GRID1: variants seen among roughly 807,000 people sequenced by gnomAD.
The protein encoded by GRID1 is glutamate receptor ionotropic, delta-1.
A neutral mutation model predicts 98.0 loss-of-function variants in GRID1; 28 were observed. The ratio of observed to expected loss-of-function variants is 0.29; its 90% CI spans 0.21 to 0.39. The LOEUF (loss-of-function observed/expected upper bound fraction) is 0.39, where lower values mean the gene tolerates loss of function less well. GRID1 is among the 10% of genes least tolerant of loss of function. The probability of loss-of-function intolerance (pLI) is 1.00; values close to 1 mark genes in which losing one functional copy is unlikely to be tolerated. For synonymous variants in GRID1, 553 were observed against 538.5 expected (o/e 1.03, Z -0.37); for missense variants, 1,111 against 1,340.5 (o/e 0.83, Z 2.67).
intron 4 of GRID1, among the ~76,000 whole-genome samples, chr10:85,955,051 C>T (rs1691181819): frequency 2.0e-5 from 3 of 152,160 alleles, no homozygotes; most frequent in African/African-American, 7.2e-5. Context: ...TTGACTAAGA[C>T]TCTTCCCAAT....
chr10:86,194,751 C>T (rs1031147976), intron 3 of GRID1, among the ~76,000 whole-genome samples: 1 of 152,106 alleles, frequency 6.6e-6, no homozygotes, highest in African/African-American at 2.4e-5. Flanking sequence ...GCTGGAACCC[C>T]TCACATTGGG....
At chr10:86,083,659 A>C (rs1844009473) in intron 4 of GRID1, among the ~76,000 whole-genome samples, 1 of 152,202 alleles carries the variant, frequency 6.6e-6, no homozygotes, top group African/African-American at 2.4e-5. Flanking sequence ...TCTGTCATTA[A>C]ATCACAAGGA....
chr10:86,270,682 T>TCTATTG (rs1847172008), intron 2 of GRID1, among the ~76,000 whole-genome samples: 2 of 152,066 alleles, frequency 1.3e-5, no homozygotes, highest in Non-Finnish European at 2.9e-5. Context: ...AGAGCGAGAC[T>TCTATTG]CCGTCTCAAA....
At chr10:86,357,992 C>T (rs1848555370) in intron 2 of GRID1, among the ~76,000 whole-genome samples, 1 of 152,168 alleles carries the variant, frequency 6.6e-6, no homozygotes. Context: ...AAAAGAGGCC[C>T]TGGGTCCAAG....
chr10:85,778,847 C>A (rs1043013026), intron 8 of GRID1, among the ~76,000 whole-genome samples: 16 of 152,290 alleles, frequency 1.1e-4, no homozygotes, highest in Middle Eastern at 6.8e-3. Flanking sequence ...GTGAGCTATG[C>A]CTCCCTTCTG....
chr10:86,140,815 G>A (rs1845000337), intron 3 of GRID1, among the ~76,000 whole-genome samples: 1 of 152,224 alleles, frequency 6.6e-6, no homozygotes, highest in Admixed American at 6.5e-5. Context: ...GGACTCTGAA[G>A]AACCACACTT....
intron 3 of GRID1, among the ~76,000 whole-genome samples, chr10:86,162,279 G>A (rs1296782879): frequency 6.6e-6 from 1 of 152,048 alleles, no homozygotes; most frequent in Non-Finnish European, 1.5e-5. Context: ...AACTGACCCA[G>A]AAGCAAAGAC....
chr10:85,828,446 A>G (rs968835038), intron 8 of GRID1, among the ~76,000 whole-genome samples: 2 of 152,112 alleles, frequency 1.3e-5, no homozygotes, highest in East Asian at 1.9e-4. Context: ...CCAAAATCAG[A>G]GCTGCACTGA....
chr10:85,973,145 AG>A (rs1308631685), intron 4 of GRID1, among the ~76,000 whole-genome samples: 1 of 152,226 alleles, frequency 6.6e-6, no homozygotes, highest in African/African-American at 2.4e-5. Flanking sequence ...AGTGTTAACC[AG>A]GTTTGAATTT....
At chr10:85,718,381 C>A (rs1304451252) in intron 12 of GRID1, among the ~76,000 whole-genome samples, 1 of 151,522 alleles carries the variant, frequency 6.6e-6, no homozygotes, top group Non-Finnish European at 1.5e-5. Flanking sequence ...AGTCCACACC[C>A]CAGTAGGGAC....
intron 4 of GRID1, among the ~76,000 whole-genome samples, chr10:86,079,753 G>A (rs1843937959): frequency 6.6e-6 from 1 of 152,198 alleles, no homozygotes; most frequent in African/African-American, 2.4e-5. Context: ...GTTAATGGGT[G>A]CAAAGTGACC....
intron 12 of GRID1, among the ~76,000 whole-genome samples, chr10:85,699,843 G>A (rs997318609): frequency 1.3e-5 from 2 of 152,112 alleles, no homozygotes; most frequent in African/African-American, 2.4e-5. Context: ...TAATTTATCT[G>A]TTCAAAGTAT....
rs144578717 is a variant in GRID1, at chr10:86,015,750, A to G, written c.727-99511T>C. 7.7e-3 allele frequency among the ~76,000 whole-genome samples: 1,176 copies of G among 152,312 alleles called. 16 individuals are homozygous for G. Among genetic ancestry groups the G allele is most frequent in the African/African-American group, 0.027 (1,127 of 41,560 alleles). On this transcript the variant is annotated intron_variant, in intron 4 of 15. Coordinates refer to ENST00000327946, the MANE Select transcript of GRID1 (RefSeq NM_017551.3). ...CTGTGACCTGCCTAGTGTCTTAACA[A>G]TCCGTCATTTTAGCTGATTAAGTTA...
intron 8 of GRID1, among the ~76,000 whole-genome samples, chr10:85,788,056 A>C (rs199826622): frequency 1.7e-5 from 2 of 118,206 alleles, no homozygotes; most frequent in African/African-American, 1.1e-4. Flanking sequence ...AAACTTCACA[A>C]AAAAAAAAAG....
intron 5 of GRID1, among the ~76,000 whole-genome samples, chr10:85,878,580 T>C (rs1840943709): frequency 6.6e-6 from 1 of 152,142 alleles, no homozygotes; most frequent in Non-Finnish European, 1.5e-5. Flanking sequence ...TGAGAGATTT[T>C]GTCACCACCA....
At chr10:85,602,890 G>A (rs1590153647) in intron 15 of GRID1, among the ~76,000 whole-genome samples, 189 bp from the exon 16 acceptor site, 1 of 152,142 alleles carries the variant, frequency 6.6e-6, no homozygotes, top group East Asian at 1.9e-4. Flanking sequence ...AGAAGCCAGG[G>A]GGGAGACATG....
intron 2 of GRID1, among the ~76,000 whole-genome samples, chr10:86,269,783 G>C (rs1176623242): frequency 6.6e-6 from 1 of 152,126 alleles, no homozygotes; most frequent in Non-Finnish European, 1.5e-5. Flanking sequence ...GCTTTTTGCT[G>C]TCCCTCTAAG....
chr10:86,232,466 G>C lies in GRID1; in HGVS notation c.236-25818C>G, dbSNP rs181741698. Among the ~76,000 whole-genome samples the C allele has an allele frequency of 2.6e-5, 4 of 152,254 alleles. No individual in the cohort carries two copies. The South Asian group carries it at 6.2e-4, about 24-fold the overall frequency. On this transcript the variant is annotated intron_variant, in intron 2 of 15. Coordinates refer to ENST00000327946, the MANE Select transcript of GRID1 (RefSeq NM_017551.3). ...GTCAGGTACAGTCAAGGCAGGAGTC[G>C]ATACAGCCCAGCTGCCTCTCCTGTT...
chr10:86,202,291 G>A (rs11201938), intron 3 of GRID1, among the ~76,000 whole-genome samples: 6,865 of 152,312 alleles, frequency 0.045, 233 homozygotes, highest in Admixed American at 0.091. Context: ...AAAATACCTG[G>A]CATGCGGTAG....
Sources: gnomAD v4.1 joint callset for allele counts (sites outside exome capture counted in the v4.1 genomes callset) on GRCh38, gnomAD v4.1.1 for gene constraint, MANE v1.5 for transcripts, NCBI Gene and HGNC (gene_info 2026-07-23, HGNC 2026-07-21) for gene names.